FTO: variants seen among roughly 807,000 people sequenced by gnomAD.
The protein encoded by FTO is FTO alpha-ketoglutarate dependent dioxygenase, also known as alpha-ketoglutarate-dependent dioxygenase FTO.
A neutral mutation model predicts 63.9 loss-of-function variants in FTO; 47 were observed. That is an observed-to-expected ratio of 0.74 (90% CI 0.58 to 0.94). The LOEUF is 0.94. Ranked by LOEUF, FTO falls within the 40% of genes least tolerant of loss-of-function variation. The pLI, the probability that FTO is intolerant of heterozygous loss-of-function variation, is 0.00. For missense variants in FTO, 562 were observed against 618.1 expected (o/e 0.91, Z 0.96); for synonymous variants, 207 against 224.4 (o/e 0.92, Z 0.69).
intron 8 of FTO, among the ~76,000 whole-genome samples, chr16:54,079,764 C>T (rs997334048): frequency 5.3e-5 from 8 of 152,174 alleles, no homozygotes; most frequent in Admixed American, 2.0e-4. Flanking sequence ...AGTCGCGACT[C>T]GGCTCTGGCC....
intron 7 of FTO, among the ~76,000 whole-genome samples, chr16:53,895,067 G>A (rs571013957): frequency 6.6e-6 from 1 of 152,126 alleles, no homozygotes; most frequent in South Asian, 2.1e-4. Context: ...AGGGAAGCTC[G>A]GTTCTTTCCA....
At chr16:53,889,307 A>G (rs988969125) in intron 7 of FTO, among the ~76,000 whole-genome samples, 1 of 152,180 alleles carries the variant, frequency 6.6e-6, no homozygotes, top group Non-Finnish European at 1.5e-5. Context: ...AGCAATGCTA[A>G]GAGGTATAGA....
At chr16:53,789,903 A>T (rs982777708) in intron 1 of FTO, among the ~76,000 whole-genome samples, 2 of 146,172 alleles carry the variant, frequency 1.4e-5, no homozygotes, top group Middle Eastern at 7.4e-3. Flanking sequence ...ACGTATATAT[A>T]TACAAATTAT....
At chr16:54,062,728 T>A (rs1029033401) in intron 8 of FTO, among the ~76,000 whole-genome samples, 14 of 152,198 alleles carry the variant, frequency 9.2e-5, no homozygotes, top group African/African-American at 3.4e-4. Context: ...TGTGGCACTC[T>A]GGGGACAGTT....
chr16:53,855,957 T>G (rs554686806), intron 4 of FTO, among the ~76,000 whole-genome samples: 4 of 152,328 alleles, frequency 2.6e-5, no homozygotes, highest in African/African-American at 4.8e-5. Flanking sequence ...TTTCATTCAA[T>G]TAGAGTCACC....
At chr16:53,828,410 G>T (rs760514064) in intron 3 of FTO, among the ~76,000 whole-genome samples, 1 of 151,864 alleles carries the variant, frequency 6.6e-6, no homozygotes, top group Non-Finnish European at 1.5e-5. Flanking sequence ...TAGTAGAGAC[G>T]GGGTTTCACC....
chr16:53,769,234 G>C (rs2077278802), intron 1 of FTO, among the ~76,000 whole-genome samples: 1 of 152,180 alleles, frequency 6.6e-6, no homozygotes, highest in Non-Finnish European at 1.5e-5. Context: ...TGAGAGGGGA[G>C]ATGAAAATGG....
intron 1 of FTO, 131 bp downstream of exon 1, chr16:53,704,360 G>A: frequency 1.1e-6 from 1 of 875,830 alleles, no homozygotes; most frequent in African/African-American, 1.7e-5. Context: ...TTGTCAGCAA[G>A]GGACCTGGAG....
At chr16:53,715,090 C>T (rs1306639508) in intron 1 of FTO, among the ~76,000 whole-genome samples, 4 of 152,300 alleles carry the variant, frequency 2.6e-5, no homozygotes, top group African/African-American at 7.2e-5. Flanking sequence ...CCAAATCAGT[C>T]TGTGTCCTGA....
At chr16:53,996,611 T>TCAC (rs2083936995) in intron 8 of FTO, among the ~76,000 whole-genome samples, 1 of 152,134 alleles carries the variant, frequency 6.6e-6, no homozygotes, top group Non-Finnish European at 1.5e-5. Context: ...GATAGGGGTA[T>TCAC]TGTATTAGCT....
At chr16:53,851,223 G>A (rs1311000993) in intron 4 of FTO, among the ~76,000 whole-genome samples, 1 of 151,052 alleles carries the variant, frequency 6.6e-6, no homozygotes, top group Non-Finnish European at 1.5e-5. Context: ...CAAGGCGGAC[G>A]GATCTCTTGA....
intron 8 of FTO, among the ~76,000 whole-genome samples, chr16:53,983,912 A>C (rs2083605686): frequency 2.6e-5 from 4 of 152,208 alleles, no homozygotes; most frequent in Non-Finnish European, 4.4e-5. Flanking sequence ...TTGACAACTA[A>C]TATAAAACAC....
chr16:53,757,372 A>G (rs2076948860), intron 1 of FTO, among the ~76,000 whole-genome samples: 1 of 152,102 alleles, frequency 6.6e-6, no homozygotes, highest in African/African-American at 2.4e-5. Flanking sequence ...CAATCATTTG[A>G]ACATGTCTAA....
At chr16:53,761,076 G>A (rs140878494) in intron 1 of FTO, among the ~76,000 whole-genome samples, 219 of 138,978 alleles carry the variant, frequency 1.6e-3, no homozygotes, top group African/African-American at 5.7e-3. Context: ...TTCCTTCCTC[G>A]GTTCCTTTTC....
chr16:54,074,942 G>A (rs9302655), intron 8 of FTO, among the ~76,000 whole-genome samples: 3,367 of 148,572 alleles, frequency 0.023, 114 homozygotes, highest in African/African-American at 0.074. Context: ...GTGTGTGTGT[G>A]TGTGTGTGTG....
At chr16:53,956,252 T>C (rs1347916949) in intron 8 of FTO, among the ~76,000 whole-genome samples, 1 of 152,164 alleles carries the variant, frequency 6.6e-6, no homozygotes, top group Non-Finnish European at 1.5e-5. Context: ...CTGTGATATT[T>C]CTCTCCCTGT....
intron 8 of FTO, among the ~76,000 whole-genome samples, chr16:54,042,328 G>C (rs1402878323): frequency 5.4e-5 from 7 of 130,614 alleles, no homozygotes; most frequent in Non-Finnish European, 9.5e-5. Context: ...CCCTTTCCGA[G>C]TCAAAGAAAG....
intron 5 of FTO, among the ~76,000 whole-genome samples, chr16:53,875,210 A>G (rs1303881015): frequency 6.6e-6 from 1 of 152,064 alleles, no homozygotes; most frequent in Non-Finnish European, 1.5e-5. Flanking sequence ...CTGTCTTTCT[A>G]GCTATAACCC....
At position 54,121,493 on chromosome 16, in the gene FTO, C is replaced by G. The variant is rs571052738; in HGVS notation, c.*9578C>G. ...TAGTGAAAGGACCAGGGAAAGCCTT[C>G]CCACGGGGATGGAGAGCCACCTCCT... On this transcript the variant is annotated 3_prime_UTR_variant, in exon 9 of 9. Coordinates refer to ENST00000471389, the MANE Select transcript of FTO (RefSeq NM_001080432.3). 1.3e-5 allele frequency: 2 copies of G among 152,282 alleles called. No individual in the cohort carries two copies. The highest frequency in any genetic ancestry group is 3.4e-3 in the Middle Eastern group (1 of 294). The allele number at this position is 152,282 out of a possible 1,614,324, so 9.4% of individuals were successfully genotyped here. A position where few individuals can be genotyped will look rare whatever the true frequency, so the allele number is the denominator to read the frequency against.
Sources: allele counts gnomAD v4.1 joint callset (sites outside exome capture counted in the v4.1 genomes callset), GRCh38; gene constraint gnomAD v4.1.1; transcripts MANE v1.5; gene names NCBI Gene and HGNC (gene_info 2026-07-23, HGNC 2026-07-21).